RGS6: variants seen among roughly 807,000 people sequenced by gnomAD.
The protein encoded by RGS6 is regulator of G protein signaling 6.
A neutral mutation model predicts 78.5 loss-of-function variants in RGS6; 30 were observed. The ratio of observed to expected loss-of-function variants is 0.38; its 90% CI spans 0.29 to 0.52. The LOEUF is 0.52. RGS6 is among the 20% of genes least tolerant of loss of function. The probability of loss-of-function intolerance (pLI) is 0.85; values close to 1 mark genes in which losing one functional copy is unlikely to be tolerated. For synonymous variants in RGS6, 206 were observed against 206.0 expected (o/e 1.00, Z 0.00); for missense variants, 495 against 609.7 (o/e 0.81, Z 1.98).
At chr14:72,242,101 G>A (rs973607441) in intron 2 of RGS6, among the ~76,000 whole-genome samples, 1 of 152,150 alleles carries the variant, frequency 6.6e-6, no homozygotes, top group African/African-American at 2.4e-5. Flanking sequence ...ACTGACAGTA[G>A]CCATATTAAC....
At chr14:72,549,709 A>G (rs2097472635) in intron 17 of RGS6, among the ~76,000 whole-genome samples, 1 of 152,172 alleles carries the variant, frequency 6.6e-6, no homozygotes, top group African/African-American at 2.4e-5. Flanking sequence ...TAAAAATACA[A>G]AAATGAGCCA....
At chr14:72,031,108 G>A (rs1020935168) in intron 2 of RGS6, among the ~76,000 whole-genome samples, 3 of 151,738 alleles carry the variant, frequency 2.0e-5, no homozygotes, top group Admixed American at 2.0e-4. Context: ...AGTAGACTCA[G>A]TTTTTTTCAG....
chr14:72,122,644 T>A (rs976714556), intron 2 of RGS6, among the ~76,000 whole-genome samples: 1 of 152,076 alleles, frequency 6.6e-6, no homozygotes, highest in Non-Finnish European at 1.5e-5. Context: ...GATTCTTAAA[T>A]AAGAGCAGGG....
the RGS6 span, among the ~76,000 whole-genome samples, chr14:72,580,457 A>T: frequency 2.6e-5 from 4 of 152,104 alleles, no homozygotes; most frequent in South Asian, 6.2e-4. Context: ...CCAGAAGTGC[A>T]CTTTAGAAAT....
chr14:72,119,092 C>G (rs774176058), intron 2 of RGS6, among the ~76,000 whole-genome samples: 1 of 151,890 alleles, frequency 6.6e-6, no homozygotes, highest in African/African-American at 2.4e-5. Flanking sequence ...CAAAATAATT[C>G]CGTAGAGTAA....
intron 3 of RGS6, among the ~76,000 whole-genome samples, chr14:72,395,600 G>C (rs968357587): frequency 2.6e-5 from 4 of 151,988 alleles, no homozygotes; most frequent in Non-Finnish European, 5.9e-5. Flanking sequence ...TGTTACATAT[G>C]TATACATGTG....
chr14:72,329,124 T>G (rs1193779305), intron 2 of RGS6, among the ~76,000 whole-genome samples: 1 of 152,240 alleles, frequency 6.6e-6, no homozygotes, highest in Non-Finnish European at 1.5e-5. Flanking sequence ...TCCACCCACC[T>G]CAGCCTCCCA....
At chr14:72,025,257 C>T (rs1466854705) in intron 2 of RGS6, among the ~76,000 whole-genome samples, 3 of 151,742 alleles carry the variant, frequency 2.0e-5, no homozygotes, top group Non-Finnish European at 4.4e-5. Flanking sequence ...TCCAACAGGG[C>T]CAAATCAGCA....
chr14:72,145,375 AG>A (rs1393623056), intron 2 of RGS6, among the ~76,000 whole-genome samples: 2 of 152,220 alleles, frequency 1.3e-5, no homozygotes, highest in African/African-American at 4.8e-5. Context: ...TCCCAAAGTT[AG>A]TTCAGCCTAC....
At chr14:72,348,544 G>C (rs919881729) in intron 2 of RGS6, among the ~76,000 whole-genome samples, 1 of 152,194 alleles carries the variant, frequency 6.6e-6, no homozygotes, top group African/African-American at 2.4e-5. Flanking sequence ...GAATTTTAGA[G>C]AGTATTACCC....
At chr14:72,327,823 CTATT>C (rs769970235) in intron 2 of RGS6, among the ~76,000 whole-genome samples, 2 of 152,086 alleles carry the variant, frequency 1.3e-5, no homozygotes, top group Non-Finnish European at 2.9e-5. Context: ...ATGGGAATAA[CTATT>C]TAATAGCTCA....
intron 17 of RGS6, among the ~76,000 whole-genome samples, chr14:72,544,159 G>A (rs1048146545): frequency 6.6e-6 from 1 of 152,224 alleles, no homozygotes. Flanking sequence ...AGGGAGAGGG[G>A]GCAAGAGGAA....
chr14:72,407,452 T>G (rs2093031852), intron 3 of RGS6, among the ~76,000 whole-genome samples: 1 of 152,220 alleles, frequency 6.6e-6, no homozygotes, highest in Non-Finnish European at 1.5e-5. Flanking sequence ...ATAAAGAGAT[T>G]TATGTAAAGA....
At chr14:72,569,288 G>A (rs534089685), downstream of RGS6, among the ~76,000 whole-genome samples, 12 of 151,976 alleles carry the variant, frequency 7.9e-5, no homozygotes, top group East Asian at 1.4e-3. Flanking sequence ...ACCCCAAAAC[G>A]TTCCTGTGCC....
chr14:71,918,738 A>C, the RGS6 span, among the ~76,000 whole-genome samples: 2 of 152,222 alleles, frequency 1.3e-5, no homozygotes, highest in Non-Finnish European at 2.9e-5. Flanking sequence ...CTGGTATGCA[A>C]GTCTGTTAAA....
chr14:72,037,502 G>A (rs1285792596), intron 2 of RGS6, among the ~76,000 whole-genome samples: 1 of 152,146 alleles, frequency 6.6e-6, no homozygotes, highest in Non-Finnish European at 1.5e-5. Flanking sequence ...CACTCACCAC[G>A]AAGGTCCCAA....
chr14:72,490,528 C>G (rs1472281164), intron 12 of RGS6, among the ~76,000 whole-genome samples: 1 of 152,136 alleles, frequency 6.6e-6, no homozygotes, highest in East Asian at 1.9e-4. Context: ...TTTCGCTTGT[C>G]TATTTTATAT....
At chr14:71,946,041 T>G in intron 1 of RGS6, among the ~76,000 whole-genome samples, 1 of 152,152 alleles carries the variant, frequency 6.6e-6, no homozygotes, top group African/African-American at 2.4e-5. Flanking sequence ...TGACCATACA[T>G]CCTAATACAA....
intron 2 of RGS6, among the ~76,000 whole-genome samples, chr14:72,008,446 C>A (rs1321483936): frequency 6.6e-6 from 1 of 152,146 alleles, no homozygotes; most frequent in Non-Finnish European, 1.5e-5. Context: ...TGTTAGGCAG[C>A]CTCCAAGATG....
Sources: gnomAD v4.1 joint callset for allele counts (sites outside exome capture counted in the v4.1 genomes callset) on GRCh38, gnomAD v4.1.1 for gene constraint, MANE v1.5 for transcripts, NCBI Gene and HGNC (gene_info 2026-07-23, HGNC 2026-07-21) for gene names.